The following PCNX1 variants were observed in gnomAD, a reference collection of about 807,000 sequenced individuals.
The protein encoded by PCNX1 is pecanex-like protein 1.
Under a neutral mutation model 242.2 loss-of-function variants are expected in PCNX1, and 78 were observed. The observed-to-expected ratio is 0.32, with a 90% CI of 0.27 to 0.39. PCNX1 has a LOEUF of 0.39. Ranked by LOEUF, PCNX1 falls within the 10% of genes least tolerant of loss-of-function variation. PCNX1 has a pLI of 1.00. For synonymous variants in PCNX1, 1,024 were observed against 1,032.9 expected, an observed-to-expected ratio of 0.99 and a Z score of 0.17; for missense variants, 2,581 against 2,856.5, an observed-to-expected ratio of 0.90 and a Z score of 2.20.
chr14:70,938,633 G>C (rs2057106992), intron 1 of PCNX1, among the ~76,000 whole-genome samples: 1 of 152,186 alleles, frequency 6.6e-6, no homozygotes, highest in Admixed American at 6.5e-5. Flanking sequence ...TCAGGATGAT[G>C]CTGGCCTCAT....
Position 71,111,992 on chromosome 14 carries a change from A to C in PCNX1, c.*2057A>C, listed in dbSNP as rs1341723700. 1 of 152,476 alleles carries C rather than the reference A, an allele frequency of 6.6e-6. No individual in the cohort carries two copies. Among genetic ancestry groups the C allele is most frequent in the Non-Finnish European group, 1.5e-5 (1 of 67,942 alleles). 9.4% of individuals were successfully genotyped at this position (152,476 alleles called of 1,614,324 possible). On this transcript the variant is annotated 3_prime_UTR_variant, in exon 36 of 36. Transcript: ENST00000304743. ...TTTGGTTTTGGAGGGTTTTTTTCTGAAACTGAATTTATAATCTATTTCTCT... is the reference window on the plus strand; with the variant it reads ...TTTGGTTTTGGAGGGTTTTTTTCTGCAACTGAATTTATAATCTATTTCTCT...
At chr14:70,988,766 TC>T in intron 7 of PCNX1, 67 bp downstream of exon 7, 1 of 1,520,370 alleles carries the variant, frequency 6.6e-7, no homozygotes, top group Non-Finnish European at 9.0e-7. Context: ...GTTCCGCCAG[TC>T]CCAAGAAAGC....
At chr14:70,926,177 T>A (rs944331008) in intron 1 of PCNX1, among the ~76,000 whole-genome samples, 1 of 152,224 alleles carries the variant, frequency 6.6e-6, no homozygotes, top group African/African-American at 2.4e-5. Context: ...TAAAGTGAGA[T>A]AATTTGTGTC....
chr14:71,091,492 A>G (rs957693997), intron 30 of PCNX1, among the ~76,000 whole-genome samples: 3 of 152,260 alleles, frequency 2.0e-5, no homozygotes, highest in African/African-American at 7.2e-5. Context: ...AGATTTTCTC[A>G]GTAAATGTAT....
At chr14:71,038,607 C>G (rs1449189367) in intron 19 of PCNX1, among the ~76,000 whole-genome samples, 1 of 151,412 alleles carries the variant, frequency 6.6e-6, no homozygotes, top group Admixed American at 6.6e-5. Context: ...AATAGGAACA[C>G]TTTTACACTG....
intron 19 of PCNX1, among the ~76,000 whole-genome samples, chr14:71,039,582 C>G (rs2060647891): frequency 6.6e-6 from 1 of 152,180 alleles, no homozygotes; most frequent in Non-Finnish European, 1.5e-5. Flanking sequence ...CTGTTGTGCA[C>G]ATAGACTAAC....
chr14:71,033,429 G>T lies in PCNX1; in HGVS notation c.3559G>T (p.Asp1187Tyr), dbSNP rs1244305605. The T allele has an allele frequency of 6.6e-7, 1 of 1,525,302 alleles. No homozygotes were observed. 94.5% of individuals were successfully genotyped at this position (1,525,302 alleles called of 1,614,324 possible). A position where few individuals can be genotyped will look rare whatever the true frequency, so the allele number is the denominator to read the frequency against. ...TTCTGTTAAATTCATTTTTCCGCAGGATTCTTGGGATGGCCAGCATATTCC... is the reference window on the plus strand; with the variant it reads ...TTCTGTTAAATTCATTTTTCCGCAGTATTCTTGGGATGGCCAGCATATTCC... ...LYGLCYGALKDSWDGQHIPVL... is the reference protein window; with the variant it reads ...LYGLCYGALKYSWDGQHIPVL... The change falls in exon 17 of 36, where the codon GAT becomes TAT. Residue 1187 changes from aspartate (D) to tyrosine (Y), a missense_variant and splice_region_variant. This residue lies in a region of PCNX1 where 432 missense variants were observed against 443.1 expected (regional missense o/e 0.97). Coordinates refer to ENST00000304743, the MANE Select transcript of PCNX1 (RefSeq NM_014982.3).
At chr14:71,039,496 G>C (rs1362299201) in intron 19 of PCNX1, among the ~76,000 whole-genome samples, 1 of 152,218 alleles carries the variant, frequency 6.6e-6, no homozygotes, top group East Asian at 1.9e-4. Flanking sequence ...GTCCTTGAGA[G>C]AGAAAGCCCA....
At chr14:71,097,185 G>A (rs144096368) in intron 30 of PCNX1, among the ~76,000 whole-genome samples, 8 of 152,206 alleles carry the variant, frequency 5.3e-5, no homozygotes, top group African/African-American at 9.6e-5. Flanking sequence ...TGGTGTATAC[G>A]TACCTCATTT....
chr14:71,037,143 C>A (rs1435924595), intron 19 of PCNX1, among the ~76,000 whole-genome samples: 2 of 151,528 alleles, frequency 1.3e-5, no homozygotes, highest in African/African-American at 2.4e-5. Flanking sequence ...GATTTTGTAT[C>A]CTGAGACTTT....
At chr14:71,104,859 G>T (rs1280345746) in intron 32 of PCNX1, among the ~76,000 whole-genome samples, 1 of 152,188 alleles carries the variant, frequency 6.6e-6, no homozygotes, top group Non-Finnish European at 1.5e-5. Context: ...CTTGGAGGTG[G>T]AGGTTGCAGT....
At chr14:70,908,578 G>T (rs1233406866) in intron 1 of PCNX1, among the ~76,000 whole-genome samples, 3 of 152,250 alleles carry the variant, frequency 2.0e-5, no homozygotes, top group Non-Finnish European at 4.4e-5. Flanking sequence ...GTCCTCCAGG[G>T]GTCCTGGGTG....
intron 16 of PCNX1, among the ~76,000 whole-genome samples, chr14:71,033,036 C>A (rs2060433528): frequency 6.6e-6 from 1 of 152,186 alleles, no homozygotes; most frequent in Non-Finnish European, 1.5e-5. Context: ...TCTTTTCCTA[C>A]TCTTATTATT....
At chr14:70,998,969 A>C (rs1213956262) in intron 8 of PCNX1, among the ~76,000 whole-genome samples, 5 of 152,100 alleles carry the variant, frequency 3.3e-5, no homozygotes. Context: ...CCACATATTA[A>C]GGGTTAATTT....
rs1427363065 is a variant in PCNX1 at position 70,988,746 on chromosome 14, C to T, written c.2444+47C>T. 5 of 1,577,704 alleles carry T rather than the reference C, an allele frequency of 3.2e-6. No individual in the cohort carries two copies. The African/African-American group carries it at 6.7e-5, about 21-fold the overall frequency. On this transcript the variant is annotated intron_variant, in intron 7 of 35. Coordinates refer to ENST00000304743, the MANE Select transcript of PCNX1 (RefSeq NM_014982.3). ...CAAGTTTAGCATGCATGTAACAACC[C>T]TTCTAATCTGTTCCGCCAGTCCCAA... is the stretch of plus-strand genomic sequence containing the variant.
intron 28 of PCNX1, among the ~76,000 whole-genome samples, chr14:71,086,011 C>G (rs1035801585): frequency 2.0e-5 from 3 of 152,114 alleles, no homozygotes; most frequent in African/African-American, 7.2e-5. Flanking sequence ...TATTTTCAGT[C>G]TTTTTTCTCT....
At chr14:70,915,962 G>C (rs2056136354) in intron 1 of PCNX1, among the ~76,000 whole-genome samples, 1 of 152,074 alleles carries the variant, frequency 6.6e-6, no homozygotes, top group Non-Finnish European at 1.5e-5. Context: ...AAGGATGAAG[G>C]GATAAATCAT....
intron 1 of PCNX1, among the ~76,000 whole-genome samples, chr14:70,919,709 T>TTC (rs2056296253): frequency 4.9e-4 from 4 of 8,088 alleles, no homozygotes; most frequent in African/African-American, 1.9e-3. Flanking sequence ...GTTTCTCTGC[T>TTC]CCCCCCCCCC....
intron 20 of PCNX1, among the ~76,000 whole-genome samples, chr14:71,046,385 T>C: frequency 6.6e-6 from 1 of 152,082 alleles, no homozygotes; most frequent in South Asian, 2.1e-4. Flanking sequence ...TTTTGACATT[T>C]ATAGTACTAA....
Sources: gnomAD v4.1 joint callset for allele counts (sites outside exome capture counted in the v4.1 genomes callset) on GRCh38, gnomAD v4.1.1 for gene constraint, gnomAD v4.1.1 regional missense constraint, MANE v1.5 for transcripts, NCBI Gene and HGNC (gene_info 2026-07-23, HGNC 2026-07-21) for gene names.